Variants in NELL1 observed in about 807,000 individuals in gnomAD.
The protein encoded by NELL1 is neural EGFL like 1.
A neutral mutation model predicts 107.4 loss-of-function variants in NELL1; 76 were observed. The observed-to-expected ratio is 0.71, with a 90% CI of 0.59 to 0.86. The LOEUF (loss-of-function observed/expected upper bound fraction) is 0.86, where lower values mean the gene tolerates loss of function less well. Among genes scored for constraint, NELL1 ranks in the 40% least tolerant of loss-of-function variants. The pLI is 0.00. For synonymous variants in NELL1, 353 were observed against 341.2 expected (o/e 1.03, Z -0.38); for missense variants, 1,024 against 1,005.5 (o/e 1.02, Z -0.25).
At chr11:21,067,707 A>G (rs1590604287) in intron 12 of NELL1, among the ~76,000 whole-genome samples, 2 of 152,114 alleles carry the variant, frequency 1.3e-5, no homozygotes, top group Non-Finnish European at 2.9e-5. Flanking sequence ...AGTATAATCT[A>G]TATTCTTTAA....
intron 15 of NELL1, among the ~76,000 whole-genome samples, chr11:21,481,045 C>G (rs994694428): frequency 2.0e-5 from 3 of 152,116 alleles, no homozygotes; most frequent in African/African-American, 7.2e-5. Flanking sequence ...CTTTACAATG[C>G]CTTTCTCCAA....
chr11:21,509,332 C>G (rs747929416), intron 15 of NELL1, among the ~76,000 whole-genome samples: 13 of 152,170 alleles, frequency 8.5e-5, no homozygotes, highest in Admixed American at 5.2e-4. Flanking sequence ...TGACTGTGCA[C>G]ATAATCTCTG....
intron 14 of NELL1, among the ~76,000 whole-genome samples, chr11:21,363,681 A>C (rs935445622): frequency 6.6e-6 from 1 of 152,160 alleles, no homozygotes; most frequent in Non-Finnish European, 1.5e-5. Flanking sequence ...GTTTATCTCA[A>C]ATATTATGAT....
At chr11:20,765,276 G>A (rs972151178) in intron 2 of NELL1, among the ~76,000 whole-genome samples, 1 of 152,206 alleles carries the variant, frequency 6.6e-6, no homozygotes, top group East Asian at 1.9e-4. Context: ...CTTCAGAAAG[G>A]CTTAATTTTC....
intron 17 of NELL1, among the ~76,000 whole-genome samples, chr11:21,564,362 T>C (rs896787143): frequency 5.3e-5 from 8 of 151,922 alleles, no homozygotes; most frequent in Non-Finnish European, 1.5e-5. Flanking sequence ...GGTAATGTCT[T>C]CCCTATTCTC....
At chr11:21,063,669 A>G (rs545570963) in intron 12 of NELL1, among the ~76,000 whole-genome samples, 99 of 152,306 alleles carry the variant, frequency 6.5e-4, no homozygotes, top group Middle Eastern at 3.4e-3. Flanking sequence ...TTGTAACACA[A>G]CAGACTGAAA....
At chr11:21,031,246 T>C (rs1466519492) in intron 12 of NELL1, among the ~76,000 whole-genome samples, 1 of 152,232 alleles carries the variant, frequency 6.6e-6, no homozygotes. Context: ...TCCATTCTTA[T>C]AAATAATGCT....
At chr11:20,999,716 C>T in intron 12 of NELL1, among the ~76,000 whole-genome samples, 1 of 131,292 alleles carries the variant, frequency 7.6e-6, no homozygotes, top group Non-Finnish European at 1.5e-5. Flanking sequence ...CCTTTGGTAC[C>T]CTTGCAAAAA....
chr11:21,544,375 C>T (rs1048196079), intron 16 of NELL1, among the ~76,000 whole-genome samples: 1 of 151,768 alleles, frequency 6.6e-6, no homozygotes, highest in Non-Finnish European at 1.5e-5. Flanking sequence ...CAACCAACAG[C>T]CTTCTGATAT....
intron 14 of NELL1, among the ~76,000 whole-genome samples, chr11:21,285,753 T>C: frequency 6.6e-6 from 1 of 152,200 alleles, no homozygotes; most frequent in East Asian, 1.9e-4. Context: ...CTTTTACGGT[T>C]TACTTTCAAT....
chr11:20,769,079 A>C (rs987290256), intron 2 of NELL1: 1 of 152,430 alleles, frequency 6.6e-6, no homozygotes, highest in Non-Finnish European at 1.5e-5. Flanking sequence ...AAAGACTAAG[A>C]GGAAAGGGGA....
intron 12 of NELL1, among the ~76,000 whole-genome samples, chr11:21,074,796 C>A (rs978762192): frequency 2.0e-5 from 3 of 151,980 alleles, no homozygotes; most frequent in Admixed American, 1.3e-4. Flanking sequence ...AGCCTGAGAA[C>A]CCCTGGAGAA....
At chr11:20,701,296 A>G (rs1434085715) in intron 2 of NELL1, among the ~76,000 whole-genome samples, 1 of 152,126 alleles carries the variant, frequency 6.6e-6, no homozygotes, top group Non-Finnish European at 1.5e-5. Context: ...TTTTGGCTGC[A>G]TAAATGTCTT....
At chr11:20,771,704 G>A (rs1465867082) in intron 2 of NELL1, among the ~76,000 whole-genome samples, 1 of 152,148 alleles carries the variant, frequency 6.6e-6, no homozygotes, top group Non-Finnish European at 1.5e-5. Context: ...ATCTGGTGCT[G>A]TTTTCTGTCA....
intron 14 of NELL1, among the ~76,000 whole-genome samples, chr11:21,230,092 A>G (rs1858003677): frequency 6.6e-6 from 1 of 151,918 alleles, no homozygotes; most frequent in African/African-American, 2.4e-5. Context: ...CATTTCTTTC[A>G]TGTCTCTACT....
intron 12 of NELL1, among the ~76,000 whole-genome samples, chr11:20,975,633 ATATGTATTATATAATG>A (rs1196498612): frequency 8.4e-5 from 11 of 131,416 alleles, no homozygotes; most frequent in African/African-American, 3.0e-4. Flanking sequence ...TATAATACAT[ATATGTATTATATAATG>A]TATGTATTAT....
chr11:21,491,255 G>C (rs1293716538), intron 15 of NELL1, among the ~76,000 whole-genome samples: 2 of 152,242 alleles, frequency 1.3e-5, no homozygotes, highest in Admixed American at 6.5e-5. Flanking sequence ...TGGTGTTTTA[G>C]ACATGAAGTC....
At chr11:20,794,742 G>C (rs1032349623) in intron 3 of NELL1, among the ~76,000 whole-genome samples, 3 of 152,100 alleles carry the variant, frequency 2.0e-5, no homozygotes, top group Non-Finnish European at 4.4e-5. Context: ...GGGGAGACAG[G>C]GTGCTGAGGA....
At chr11:21,108,134 G>A (rs1291338083) in intron 12 of NELL1, among the ~76,000 whole-genome samples, 2 of 152,162 alleles carry the variant, frequency 1.3e-5, no homozygotes, top group Admixed American at 6.5e-5. Context: ...AGTGGGGAAT[G>A]CCTTTTCCCC....
Sources: allele counts gnomAD v4.1 joint callset (sites outside exome capture counted in the v4.1 genomes callset), GRCh38; gene constraint gnomAD v4.1.1; transcripts MANE v1.5; gene names NCBI Gene and HGNC (gene_info 2026-07-23, HGNC 2026-07-21).